Variants in SLC4A4 observed in about 807,000 individuals in gnomAD.
SLC4A4 encodes electrogenic sodium bicarbonate cotransporter 1.
In SLC4A4, 27 loss-of-function variants were observed where a neutral mutation model predicts 111.5. The ratio of observed to expected loss-of-function variants is 0.24; its 90% CI spans 0.18 to 0.33. The LOEUF (loss-of-function observed/expected upper bound fraction) is 0.33, where lower values mean the gene tolerates loss of function less well. Among genes scored for constraint, SLC4A4 ranks in the 10% least tolerant of loss-of-function variants. The pLI is 1.00. For synonymous variants in SLC4A4, 443 were observed against 463.4 expected, an observed-to-expected ratio of 0.96 and a Z score of 0.57; for missense variants, 909 against 1,315.5, an observed-to-expected ratio of 0.69 and a Z score of 4.78.
chr4:71,563,867 A>T lies in SLC4A4; in HGVS notation c.3174A>T (p.Leu1058=). ...ACATCATGGAACAGCAACCTTTCCT[A>T]AGCGATAGCAAACCTTCTGACAGTG... ...PMDIMEQQPF[L]SDSKPSDRER... The change falls in exon 24 of 26, where the codon CTA becomes CTT. Residue 1058 remains leucine (L), a synonymous_variant. Transcript: ENST00000264485. 1 of 1,610,076 alleles carries T rather than the reference A, an allele frequency of 6.2e-7. No homozygotes were observed. Among genetic ancestry groups the T allele is most frequent in the Non-Finnish European group, 8.5e-7 (1 of 1,177,004 alleles).
intron 16 of SLC4A4, among the ~76,000 whole-genome samples, chr4:71,531,022 T>C (rs1733866260): frequency 6.6e-6 from 1 of 152,136 alleles, no homozygotes; most frequent in South Asian, 2.1e-4. Context: ...ATCGGTTTTA[T>C]TTACTGTGGT....
chr4:71,138,784 C>A (rs1743913999), intron 2 of SLC4A4, among the ~76,000 whole-genome samples: 1 of 152,042 alleles, frequency 6.6e-6, no homozygotes, highest in Non-Finnish European at 1.5e-5. Flanking sequence ...CGCCTGTAAT[C>A]CCAGCACTTT....
chr4:71,466,960 A>AGAGG, intron 13 of SLC4A4, among the ~76,000 whole-genome samples: 1 of 110,754 alleles, frequency 9.0e-6, no homozygotes, highest in Admixed American at 8.6e-5. Flanking sequence ...AGAGAGAGAG[A>AGAGG]GAGAGGGAGA....
intron 16 of SLC4A4, among the ~76,000 whole-genome samples, chr4:71,511,712 A>G (rs189289053): frequency 6.6e-5 from 10 of 152,226 alleles, no homozygotes; most frequent in African/African-American, 2.4e-4. Context: ...CAAACATTGA[A>G]TTTGATCCTT....
At chr4:71,541,140 CA>C (rs1193217575) in intron 18 of SLC4A4, among the ~76,000 whole-genome samples, 4 of 152,088 alleles carry the variant, frequency 2.6e-5, no homozygotes, top group Admixed American at 1.3e-4. Flanking sequence ...GAGATGAGAG[CA>C]AAATAGTTCT....
chr4:71,370,658 C>T (rs1731783980), intron 6 of SLC4A4, among the ~76,000 whole-genome samples: 1 of 152,194 alleles, frequency 6.6e-6, no homozygotes, highest in Non-Finnish European at 1.5e-5. Context: ...TCTAAAGTAT[C>T]TAGTGTAGTG....
intron 1 of SLC4A4, among the ~76,000 whole-genome samples, chr4:71,090,080 C>T (rs1742334107): frequency 6.6e-6 from 1 of 152,072 alleles, no homozygotes; most frequent in Admixed American, 6.5e-5. Flanking sequence ...TTTACCTACT[C>T]AAGCCTTAGC....
At chr4:71,236,735 A>G (rs1719842239) in intron 2 of SLC4A4, 86 bp downstream of exon 2, 4 of 1,143,670 alleles carry the variant, frequency 3.5e-6, no homozygotes, top group Non-Finnish European at 5.2e-6. Flanking sequence ...TATATCTTAC[A>G]TTTTTAAAAT....
At chr4:71,333,471 C>T (rs1578857675) in intron 3 of SLC4A4, among the ~76,000 whole-genome samples, 1 of 152,178 alleles carries the variant, frequency 6.6e-6, no homozygotes, top group East Asian at 1.9e-4. Context: ...TGGGATTATA[C>T]TGGGTCAGAC....
chr4:71,534,707 G>C (rs1481410550), intron 18 of SLC4A4, among the ~76,000 whole-genome samples: 1 of 151,966 alleles, frequency 6.6e-6, no homozygotes. Context: ...CCTCAATAAA[G>C]ACAATGACAA....
At chr4:71,473,607 C>T (rs1389383407) in intron 14 of SLC4A4, among the ~76,000 whole-genome samples, 1 of 151,686 alleles carries the variant, frequency 6.6e-6, no homozygotes, top group Non-Finnish European at 1.5e-5. Flanking sequence ...GACATAACAG[C>T]AAAAGTAACT....
intron 3 of SLC4A4, among the ~76,000 whole-genome samples, chr4:71,302,131 T>C (rs1725315618): frequency 6.6e-6 from 1 of 152,204 alleles, no homozygotes; most frequent in Middle Eastern, 3.2e-3. Context: ...ATATTTAGTC[T>C]TCTGAGCTTT....
chr4:71,148,213 A>G (rs1744229695), intron 2 of SLC4A4, among the ~76,000 whole-genome samples: 1 of 152,282 alleles, frequency 6.6e-6, no homozygotes, highest in African/African-American at 2.4e-5. Context: ...TCTGATATTT[A>G]TAATTTTAGA....
chr4:71,516,586 T>A (rs1458924770), intron 16 of SLC4A4, among the ~76,000 whole-genome samples: 6 of 152,192 alleles, frequency 3.9e-5, no homozygotes, highest in African/African-American at 1.4e-4. Context: ...ACCACCACCC[T>A]TGCTAATGTC....
intron 1 of SLC4A4, among the ~76,000 whole-genome samples, chr4:71,214,225 G>A (rs569200519): frequency 7.7e-4 from 117 of 152,238 alleles, no homozygotes; most frequent in Non-Finnish European, 1.3e-3. Context: ...ACACAGCCCC[G>A]TATACAACAC....
chr4:71,180,070 T>G (rs1212130128), intron 2 of SLC4A4, among the ~76,000 whole-genome samples: 1 of 152,210 alleles, frequency 6.6e-6, no homozygotes, highest in Non-Finnish European at 1.5e-5. Context: ...CATCTGATCT[T>G]TGACAAACCT....
intron 6 of SLC4A4, among the ~76,000 whole-genome samples, chr4:71,360,051 A>G (rs1035174452): frequency 6.6e-6 from 1 of 152,226 alleles, no homozygotes; most frequent in African/African-American, 2.4e-5. Flanking sequence ...TACAGCTACT[A>G]TTAAAAATTA....
intron 2 of SLC4A4, among the ~76,000 whole-genome samples, chr4:71,126,773 G>A (rs1415421333): frequency 6.6e-6 from 1 of 152,186 alleles, no homozygotes; most frequent in Non-Finnish European, 1.5e-5. Flanking sequence ...CATATCTTAT[G>A]ACTCAAAACA....
intron 25 of SLC4A4, 77 bp downstream of exon 25, chr4:71,567,160 G>T: frequency 8.7e-7 from 1 of 1,143,736 alleles, no homozygotes; most frequent in South Asian, 1.4e-5. Context: ...GTGGGTTATT[G>T]ACAGAACTTC....
Sources: gnomAD v4.1 joint callset for allele counts (sites outside exome capture counted in the v4.1 genomes callset) on GRCh38, gnomAD v4.1.1 for gene constraint, MANE v1.5 for transcripts, NCBI Gene and HGNC (gene_info 2026-07-23, HGNC 2026-07-21) for gene names.